Variants in SMARCA2 observed in about 807,000 individuals in gnomAD.
SMARCA2 encodes the protein SWI/SNF related BAF chromatin remodeling complex subunit ATPase 2, also known as SWI/SNF-related matrix-associated actin-dependent regulator of chromatin subfamily A member 2.
A neutral mutation model predicts 199.8 loss-of-function variants in SMARCA2; 61 were observed. The observed-to-expected ratio is 0.31, with a 90% CI of 0.25 to 0.38. The LOEUF (loss-of-function observed/expected upper bound fraction) is 0.38. Ranked by LOEUF, SMARCA2 falls within the 10% of genes least tolerant of loss-of-function variation. The pLI, the probability that SMARCA2 is intolerant of heterozygous loss-of-function variation, is 1.00. For missense variants in SMARCA2, 1,344 were observed against 2,012.2 expected, an observed-to-expected ratio of 0.67 and a Z score of 6.35; for synonymous variants, 935 against 732.0, an observed-to-expected ratio of 1.28 and a Z score of -4.48.
At chr9:2,181,455 A>G in intron 29 of SMARCA2, 116 bp from the exon 30 acceptor site, 5 of 650,446 alleles carry the variant, frequency 7.7e-6, no homozygotes, top group Non-Finnish European at 1.1e-5. Flanking sequence ...AAAAAGCTCC[A>G]TATCTATATG....
rs567760239 is a variant in SMARCA2 at position 2,124,866 on chromosome 9, A to G, written c.3981+929A>G. Among the ~76,000 whole-genome samples, 4 of 152,300 alleles carry G rather than the reference A, an allele frequency of 2.6e-5. No homozygotes were observed. In the South Asian group the frequency reaches 6.2e-4, roughly 24 times the overall value. ...TTTGGGAGTAGACTTAGTACCTAGA[A>G]AGGCACAGCAACCTGGGACGTGCAT... On this transcript the variant is annotated intron_variant, in intron 27 of 33. Coordinates refer to ENST00000349721, the MANE Select transcript of SMARCA2 (RefSeq NM_003070.5).
chr9:2,180,067 G>A (rs1224618360), intron 29 of SMARCA2, among the ~76,000 whole-genome samples: 2 of 152,186 alleles, frequency 1.3e-5, no homozygotes, highest in African/African-American at 4.8e-5. Flanking sequence ...AGGGAAGGAC[G>A]AACGCATTTC....
intron 1 of SMARCA2, chr9:2,027,694 C>G (rs893218374): frequency 6.6e-6 from 1 of 152,104 alleles, no homozygotes; most frequent in Non-Finnish European, 1.5e-5. Flanking sequence ...CCCTCCAGCC[C>G]GCCATTCCAC....
At chr9:2,082,306 GGTGTGTGTGTGTGTGTGTGTGTGTGTGT>G (rs3057852) in intron 15 of SMARCA2, among the ~76,000 whole-genome samples, 1 of 121,796 alleles carries the variant, frequency 8.2e-6, no homozygotes, top group Non-Finnish European at 1.7e-5. Context: ...AAAGGGGAAA[GGTGTGTGTGTGTGTGTGTGTGTGTGTGT>G]GTGTGTGTGT....
At chr9:2,111,332 T>C (rs969402863) in intron 24 of SMARCA2, among the ~76,000 whole-genome samples, 1 of 151,084 alleles carries the variant, frequency 6.6e-6, no homozygotes, top group Non-Finnish European at 1.5e-5. Context: ...TACAAAAAAA[T>C]ACAAAAATTA....
In SMARCA2 at chr9:2,119,799, G is replaced by T. The variant is rs1051375014; in HGVS notation, c.3762+264G>T. On this transcript the variant is annotated intron_variant, in intron 26 of 33. Coordinates refer to ENST00000349721, the MANE Select transcript of SMARCA2 (RefSeq NM_003070.5). This position sits in a 1 kb window ranked among gnomAD's most constrained non-coding sequence, Gnocchi z 4.6. ...GGCTTCTCTTGAAAAATGAGATCGG[G>T]CAGTACCAGGCCCACATCTTTGTGT... Among the ~76,000 whole-genome samples, 5 of 152,180 alleles carry T rather than the reference G, an allele frequency of 3.3e-5. No homozygotes were observed. Among genetic ancestry groups the T allele is most frequent in the African/African-American group, 1.2e-4 (5 of 41,434 alleles).
At chr9:2,022,798 TATAC>T (rs1382531767) in intron 1 of SMARCA2, among the ~76,000 whole-genome samples, 2 of 152,214 alleles carry the variant, frequency 1.3e-5, no homozygotes, top group African/African-American at 4.8e-5. Context: ...TATGTGTAAA[TATAC>T]GTGACATATT....
chr9:2,116,680 T>C (rs1160719229), intron 25 of SMARCA2, among the ~76,000 whole-genome samples: 2 of 152,254 alleles, frequency 1.3e-5, no homozygotes, highest in African/African-American at 4.8e-5. Context: ...AGGGGAATGT[T>C]GAGTTGTCAT....
At chr9:2,111,589 C>T (rs1255043269) in intron 24 of SMARCA2, among the ~76,000 whole-genome samples, 7 of 152,040 alleles carry the variant, frequency 4.6e-5, no homozygotes, top group Non-Finnish European at 8.8e-5. Context: ...CTCGTTGAGC[C>T]CTGGTTTTCT....
rs1818400952 is a variant in SMARCA2, at chr9:2,017,370, CG to C, written c.-37+1967del. On this transcript the variant is annotated intron_variant, in intron 1 of 33. Coordinates refer to ENST00000349721, the MANE Select transcript of SMARCA2 (RefSeq NM_003070.5). The surrounding 1 kb of genome is among the most constrained non-coding windows in gnomAD (Gnocchi z 8.8). The stretch of plus-strand genomic sequence containing the variant: ...CCAGCCTCCGCGCCCTCCCGGCCGG[CG>C]CGAGTGTGTCTGCGCGTGAGTGTGA... 1 of 152,358 alleles carries C rather than the reference CG, an allele frequency of 6.6e-6. No individual in the cohort carries two copies. The highest frequency in any genetic ancestry group is 1.5e-5 in the Non-Finnish European group (1 of 68,272). The allele number at this position is 152,358 out of a possible 1,614,324, so 9.4% of individuals were successfully genotyped here. A position where few individuals can be genotyped will look rare whatever the true frequency, so the allele number is the denominator to read the frequency against.
chr9:2,191,390 T>A lies in SMARCA2; in HGVS notation c.4719T>A (p.Asp1573Glu). Residue 1573 changes from aspartate (D) to glutamate (E), a missense_variant, in exon 33 of 34, where the codon GAT becomes GAA. Asp to Glu is a conservative substitution (Grantham distance 45, BLOSUM62 2). Transcript: ENST00000349721. ...AKPVVSDFDS[D>E]EEQDEREQSE... ...CTGTAGTGAGCGATTTTGACAGCGA[T>A]GAGGAGCAGGATGAACGTGTAAGTG... 2 of 1,614,154 alleles carry A rather than the reference T, an allele frequency of 1.2e-6. No homozygotes were observed. Among genetic ancestry groups the A allele is most frequent in the Non-Finnish European group, 1.7e-6 (2 of 1,179,998 alleles).
intron 3 of SMARCA2, among the ~76,000 whole-genome samples, chr9:2,038,410 C>G (rs1319378759): frequency 6.6e-6 from 1 of 152,218 alleles, no homozygotes; most frequent in Non-Finnish European, 1.5e-5. Context: ...CCCAGAACCA[C>G]TGTCTTGGTT....
chr9:2,061,018 G>A, intron 9 of SMARCA2, 32 bp downstream of exon 9: 1 of 1,602,550 alleles, frequency 6.2e-7, no homozygotes, highest in Non-Finnish European at 8.5e-7. Context: ...GCTGAGTCCA[G>A]GGTGTATGGG....
At chr9:2,190,714 T>G (rs1219625317) in intron 32 of SMARCA2, among the ~76,000 whole-genome samples, 1 of 152,252 alleles carries the variant, frequency 6.6e-6, no homozygotes, top group Non-Finnish European at 1.5e-5. Flanking sequence ...TGGAAATAAT[T>G]AGTTATAGGG....
intron 28 of SMARCA2, among the ~76,000 whole-genome samples, chr9:2,166,834 G>A (rs1825956355): frequency 6.6e-6 from 1 of 152,092 alleles, no homozygotes; most frequent in Non-Finnish European, 1.5e-5. Context: ...TCCTTTCTCA[G>A]CATTTTCAAG....
intron 21 of SMARCA2, among the ~76,000 whole-genome samples, chr9:2,098,355 C>T (rs919771081): frequency 6.6e-6 from 1 of 152,186 alleles, no homozygotes; most frequent in Non-Finnish European, 1.5e-5. Flanking sequence ...TGAGTTGGAG[C>T]ACTCTTCTTT....
chr9:2,136,397 A>C (rs1353485899), intron 27 of SMARCA2, among the ~76,000 whole-genome samples: 2 of 151,888 alleles, frequency 1.3e-5, no homozygotes, highest in African/African-American at 4.8e-5. Flanking sequence ...CATGTTGGCC[A>C]ATCTGGTCTC....
intron 7 of SMARCA2, among the ~76,000 whole-genome samples, chr9:2,057,773 A>T (rs1820421248): frequency 6.6e-6 from 1 of 152,166 alleles, no homozygotes; most frequent in African/African-American, 2.4e-5. Flanking sequence ...TTTTGAAAAA[A>T]TGTTGGATTT....
At chr9:2,136,536 G>C (rs1315922063) in intron 27 of SMARCA2, among the ~76,000 whole-genome samples, 1 of 152,122 alleles carries the variant, frequency 6.6e-6, no homozygotes, top group East Asian at 1.9e-4. Context: ...TACATTTATG[G>C]AGACTGTTGA....
Sources: allele counts gnomAD v4.1 joint callset (sites outside exome capture counted in the v4.1 genomes callset), GRCh38; gene constraint gnomAD v4.1.1; non-coding constraint Gnocchi (gnomAD v3.1); transcripts MANE v1.5; gene names NCBI Gene and HGNC (gene_info 2026-07-23, HGNC 2026-07-21).